FBRSL1: variants seen among roughly 807,000 people sequenced by gnomAD.
FBRSL1 encodes fibrosin like 1, also known as fibrosin-1-like protein.
A neutral mutation model predicts 89.6 loss-of-function variants in FBRSL1; 51 were observed. That is an observed-to-expected ratio of 0.57 (90% CI 0.45 to 0.72). The LOEUF (loss-of-function observed/expected upper bound fraction) is 0.72. FBRSL1 is among the 30% of genes least tolerant of loss of function. The probability of loss-of-function intolerance (pLI) is 0.00; values close to 1 mark genes in which losing one functional copy is unlikely to be tolerated. For missense variants in FBRSL1, 1,618 were observed against 1,451.8 expected (o/e 1.11, Z -1.86); for synonymous variants, 779 against 681.1 (o/e 1.14, Z -2.24).
intron 15 of FBRSL1, among the ~76,000 whole-genome samples, chr12:132,578,151 TAC>T (rs1174898833): frequency 6.6e-6 from 1 of 152,190 alleles, no homozygotes; most frequent in African/African-American, 2.4e-5. Context: ...ACTGTATTCT[TAC>T]AATGAAGTCC....
Position 132,546,509 on chromosome 12 carries a change from G to A in FBRSL1, c.616-1494G>A, listed in dbSNP as rs902181372. Among the ~76,000 whole-genome samples, 2 of 150,484 alleles carry A rather than the reference G, an allele frequency of 1.3e-5. No homozygotes were observed. The highest frequency in any genetic ancestry group is 4.9e-5 in the African/African-American group (2 of 40,868). ...TTGGCCACGGCTGAAAGGCCAGACC[G>A]GGGGGACCCTAGGAGAGGGCTTGGC... is the stretch of plus-strand genomic sequence containing the variant. On this transcript the variant is annotated intron_variant, in intron 4 of 18. Transcript: ENST00000680143. This position sits in a 1 kb window ranked among gnomAD's most constrained non-coding sequence, Gnocchi z 4.0.
rs553635591 is a variant in FBRSL1 at position 132,527,656 on chromosome 12, C to A, written c.580-297C>A. 1.1e-4 allele frequency among the ~76,000 whole-genome samples: 16 copies of A among 141,530 alleles called. No individual in the cohort carries two copies. In the East Asian group the frequency reaches 3.3e-3, roughly 30 times the overall value. 92.8% of individuals were successfully genotyped at this position (141,530 alleles called of 152,430 possible). A position where few individuals can be genotyped will look rare whatever the true frequency, so the allele number is the denominator to read the frequency against. ...GGTTGAGGGCTGCGGGGCTGCGGGG[C>A]AGGGTTGTGGGCTGCGGGGCTGTGG... On this transcript the variant is annotated intron_variant, in intron 3 of 18. Transcript: ENST00000680143.
intron 1 of FBRSL1, among the ~76,000 whole-genome samples, chr12:132,501,685 C>T (rs529241982): frequency 6.6e-6 from 1 of 152,182 alleles, no homozygotes; most frequent in Admixed American, 6.5e-5. Flanking sequence ...TGTGCAGGGG[C>T]CAGTGAGGGG....
chr12:132,493,014 C>T (rs2031348882), intron 1 of FBRSL1, among the ~76,000 whole-genome samples: 1 of 152,246 alleles, frequency 6.6e-6, no homozygotes, highest in South Asian at 2.1e-4. Context: ...CTTTCACAGA[C>T]ATCAACTCAT....
At chr12:132,501,862 A>G (rs928651444) in intron 1 of FBRSL1, among the ~76,000 whole-genome samples, 11 of 152,220 alleles carry the variant, frequency 7.2e-5, no homozygotes, top group South Asian at 2.1e-4. Context: ...TCGACTGCCC[A>G]GATCTCTGCT....
intron 5 of FBRSL1, among the ~76,000 whole-genome samples, chr12:132,559,065 G>C (rs1401985280): frequency 2.0e-5 from 3 of 152,258 alleles, no homozygotes; most frequent in Non-Finnish European, 4.4e-5. Flanking sequence ...CGTCTGGTGC[G>C]GTCAGGCGCA....
In FBRSL1 at chr12:132,583,544, G is replaced by C. The variant is rs1376711037; in HGVS notation, c.2775G>C (p.Leu925=). 66 of 1,046,250 alleles carry C rather than the reference G, an allele frequency of 6.3e-5. No individual in the cohort carries two copies. Among genetic ancestry groups the C allele is most frequent in the Middle Eastern group, 4.7e-4 (1 of 2,128 alleles). The allele number at this position is 1,046,250 out of a possible 1,614,324, so 64.8% of individuals were successfully genotyped here. A position where few individuals can be genotyped will look rare whatever the true frequency, so the allele number is the denominator to read the frequency against. Residue 925 remains leucine, a synonymous_variant, in exon 19 of 19, where the codon CTG becomes CTC. Transcript: ENST00000680143. Reference sequence around the variant, plus strand: ...TGGACGGCGCGCTGCTGCCCTCGCTGGGAGCCCTGCACTTCCCGCGCCTCT... The same window carrying C: ...TGGACGGCGCGCTGCTGCCCTCGCTCGGAGCCCTGCACTTCCCGCGCCTCT... ...PALDGALLPS[L]GALHFPRLSP... is the part of the protein sequence containing the mutation.
intron 5 of FBRSL1, among the ~76,000 whole-genome samples, chr12:132,566,717 C>T (rs1285030362): frequency 1.3e-5 from 2 of 151,954 alleles, no homozygotes; most frequent in African/African-American, 4.8e-5. Flanking sequence ...GCTTGGCCGG[C>T]CTGGGAGCAT....
chr12:132,530,413 C>T (rs2036160671), intron 4 of FBRSL1, among the ~76,000 whole-genome samples: 2 of 152,096 alleles, frequency 1.3e-5, no homozygotes, highest in South Asian at 4.1e-4. Flanking sequence ...CCTGTCGGCT[C>T]ACTGTGGGTC....
intron 2 of FBRSL1, among the ~76,000 whole-genome samples, chr12:132,519,687 G>A (rs1369649540): frequency 2.0e-5 from 3 of 152,180 alleles, no homozygotes; most frequent in African/African-American, 7.2e-5. Context: ...AAGGCAAATG[G>A]ATCACGAAGT....
At chr12:132,544,137 C>A (rs1207301577) in intron 4 of FBRSL1, among the ~76,000 whole-genome samples, 1 of 152,144 alleles carries the variant, frequency 6.6e-6, no homozygotes, top group Non-Finnish European at 1.5e-5. Flanking sequence ...CCCCAGGCAC[C>A]CGGGTTTAAG....
At chr12:132,550,417 G>T (rs1034639822) in intron 5 of FBRSL1, among the ~76,000 whole-genome samples, 1 of 152,194 alleles carries the variant, frequency 6.6e-6, no homozygotes. Context: ...CAAAGCGGGG[G>T]CACGGTGCTG....
chr12:132,551,741 G>A, intron 5 of FBRSL1: 1 of 370,148 alleles, frequency 2.7e-6, no homozygotes, highest in Non-Finnish European at 5.5e-6. Context: ...CCTGGCCCTT[G>A]GCAGGAGGCT....
intron 4 of FBRSL1, among the ~76,000 whole-genome samples, chr12:132,545,558 C>T (rs1218107715): frequency 2.0e-5 from 3 of 152,222 alleles, no homozygotes; most frequent in Non-Finnish European, 1.5e-5. Context: ...ATTAAACCCT[C>T]GCCTGTGTGG....
intron 2 of FBRSL1, 97 bp downstream of exon 2, chr12:132,508,447 C>T (rs1046650245): frequency 1.0e-5 from 14 of 1,339,324 alleles, no homozygotes; most frequent in South Asian, 4.6e-5. Flanking sequence ...ACGTGGCCCC[C>T]GGGCCTGCCT....
At chr12:132,580,946 G>A (rs1385829736) in intron 15 of FBRSL1, 2 of 985,272 alleles carry the variant, frequency 2.0e-6, no homozygotes, top group Non-Finnish European at 2.4e-6. Context: ...ACGTGGTGCT[G>A]TGGGCTGGGC....
chr12:132,549,611 TG>T (rs1283509402), intron 5 of FBRSL1, among the ~76,000 whole-genome samples: 1 of 152,156 alleles, frequency 6.6e-6, no homozygotes, highest in East Asian at 1.9e-4. Flanking sequence ...TTCGGGAGCC[TG>T]GGGCCTACTG....
intron 4 of FBRSL1, among the ~76,000 whole-genome samples, chr12:132,536,710 CAGTG>C (rs779484849): frequency 5.4e-5 from 8 of 149,084 alleles, no homozygotes; most frequent in African/African-American, 2.0e-4. Flanking sequence ...ATGTACATGA[CAGTG>C]TGTGTGAGTA....
intron 2 of FBRSL1, 51 bp downstream of exon 2, chr12:132,508,401 C>G: frequency 1.4e-6 from 2 of 1,437,606 alleles, no homozygotes; most frequent in East Asian, 2.5e-5. Context: ...CAGTGCTCAC[C>G]GCCCCAGGGC....
Sources: gnomAD v4.1 joint callset for allele counts (sites outside exome capture counted in the v4.1 genomes callset) on GRCh38, gnomAD v4.1.1 for gene constraint, Gnocchi (gnomAD v3.1) non-coding constraint, MANE v1.5 for transcripts, NCBI Gene and HGNC (gene_info 2026-07-23, HGNC 2026-07-21) for gene names.